GMDS: variants seen among roughly 807,000 people sequenced by gnomAD.
GMDS encodes the protein GDP-mannose 4,6 dehydratase.
A neutral mutation model predicts 49.9 loss-of-function variants in GMDS; 20 were observed. The ratio of observed to expected loss-of-function variants is 0.40; its 90% confidence interval spans 0.28 to 0.58. The LOEUF is 0.58. Ranked by LOEUF, GMDS falls within the 20% of genes least tolerant of loss-of-function variation. The probability of loss-of-function intolerance (pLI) is 0.42; values close to 1 mark genes in which losing one functional copy is unlikely to be tolerated. For synonymous variants in GMDS, 177 were observed against 178.6 expected, an observed-to-expected ratio of 0.99 and a Z score of 0.07; for missense variants, 362 against 481.4, an observed-to-expected ratio of 0.75 and a Z score of 2.32.
intron 4 of GMDS, among the ~76,000 whole-genome samples, chr6:2,092,569 G>C (rs990166904): frequency 6.6e-6 from 1 of 152,128 alleles, no homozygotes; most frequent in Non-Finnish European, 1.5e-5. Context: ...TAACAGATTT[G>C]TTTGGAAATG....
chr6:2,006,359 T>C (rs1297132793), intron 4 of GMDS, among the ~76,000 whole-genome samples: 4 of 151,926 alleles, frequency 2.6e-5, no homozygotes, highest in Non-Finnish European at 2.9e-5. Context: ...GCCTAGGATA[T>C]TGACGTTGCA....
intron 8 of GMDS, among the ~76,000 whole-genome samples, chr6:1,737,500 A>AACAC (rs139626089): frequency 8.4e-4 from 125 of 148,266 alleles, no homozygotes; most frequent in African/African-American, 2.9e-3. Flanking sequence ...CACACACACA[A>AACAC]ACACACACAC....
intron 7 of GMDS, among the ~76,000 whole-genome samples, chr6:1,868,121 G>A (rs866119888): frequency 4.3e-4 from 66 of 152,116 alleles, no homozygotes; most frequent in African/African-American, 1.4e-3. Context: ...TGAGTAGCTG[G>A]GACTACAGGC....
rs192978748 is a variant in GMDS at position 1,819,302 on chromosome 6, T to C, written c.772-76716A>G. 9.2e-5 allele frequency among the ~76,000 whole-genome samples: 14 copies of C among 152,328 alleles called. No individual in the cohort carries two copies. The East Asian group carries it at 2.1e-3, about 23-fold the overall frequency. ...AGTTAATGCAGGTAAGGCCCAAGTG[T>C]TATACCCTGCAATTACTAAGTGGTT... is the stretch of plus-strand genomic sequence containing the variant. On this transcript the variant is annotated intron_variant, in intron 7 of 10. Coordinates refer to ENST00000380815, the MANE Select transcript of GMDS (RefSeq NM_001500.4).
intron 4 of GMDS, among the ~76,000 whole-genome samples, chr6:2,100,723 C>G (rs528036481): frequency 6.6e-6 from 1 of 151,958 alleles, no homozygotes; most frequent in South Asian, 2.1e-4. Flanking sequence ...GTTAAAAAAA[C>G]TCAAACATGT....
chr6:1,652,433 ATTATATATATTTATATATTATT>A (rs1763694407), intron 9 of GMDS, among the ~76,000 whole-genome samples: 1 of 18,754 alleles, frequency 5.3e-5, no homozygotes, highest in Non-Finnish European at 9.9e-5. Context: ...TATATAATAT[ATTATATATATTTATATATTATT>A]TATATATAAT....
chr6:1,844,172 C>T (rs1757279287), intron 7 of GMDS, among the ~76,000 whole-genome samples: 1 of 152,138 alleles, frequency 6.6e-6, no homozygotes, highest in African/African-American at 2.4e-5. Flanking sequence ...CCCCAAAGTC[C>T]ACAATTGGTT....
chr6:2,107,974 G>A (rs1774334873), intron 4 of GMDS, among the ~76,000 whole-genome samples: 1 of 152,058 alleles, frequency 6.6e-6, no homozygotes, highest in Non-Finnish European at 1.5e-5. Flanking sequence ...ATGTTGCTCT[G>A]AGCACATCTA....
chr6:2,213,260 T>C (rs966516864), intron 1 of GMDS, among the ~76,000 whole-genome samples: 2 of 152,184 alleles, frequency 1.3e-5, no homozygotes, highest in Admixed American at 1.3e-4. Flanking sequence ...CCTTGATTTA[T>C]GGTAGTTGGT....
intron 9 of GMDS, among the ~76,000 whole-genome samples, chr6:1,676,086 T>C (rs1764613759): frequency 6.6e-6 from 1 of 152,156 alleles, no homozygotes; most frequent in Non-Finnish European, 1.5e-5. Context: ...CAGCAAAGTC[T>C]CAGGATACAA....
chr6:1,903,291 G>A (rs1245069797), intron 7 of GMDS, among the ~76,000 whole-genome samples: 1 of 152,158 alleles, frequency 6.6e-6, no homozygotes, highest in Non-Finnish European at 1.5e-5. Flanking sequence ...ACACTTTCTT[G>A]TTTCCTACTT....
At chr6:1,745,025 C>T (rs536704087) in intron 7 of GMDS, among the ~76,000 whole-genome samples, 1 of 152,172 alleles carries the variant, frequency 6.6e-6, no homozygotes, top group African/African-American at 2.4e-5. Context: ...TGGCTTTTGC[C>T]AAAATACCTT....
chr6:1,664,855 T>C (rs1764189924), intron 9 of GMDS, among the ~76,000 whole-genome samples: 1 of 152,202 alleles, frequency 6.6e-6, no homozygotes, highest in Admixed American at 6.5e-5. Context: ...TAGAAACATT[T>C]TGAAACTAAA....
chr6:1,905,637 G>GTCCCTGAGAAGGAGCGCCCAGGTGGCTGT (rs1760727159), intron 7 of GMDS, among the ~76,000 whole-genome samples: 1 of 137,592 alleles, frequency 7.3e-6, no homozygotes, highest in Non-Finnish European at 1.6e-5. Context: ...GCATCTGCAT[G>GTCCCTGAGAAGGAGCGCCCAGGTGGCTGT]TGGGGCCAGC....
chr6:1,953,341 A>ATG (rs1211254312), intron 6 of GMDS, among the ~76,000 whole-genome samples: 1 of 152,232 alleles, frequency 6.6e-6, no homozygotes, highest in Non-Finnish European at 1.5e-5. Context: ...GCTGAATATT[A>ATG]TGTGTGTTTC....
chr6:1,674,929 T>C (rs934376335), intron 9 of GMDS, among the ~76,000 whole-genome samples: 5 of 151,974 alleles, frequency 3.3e-5, no homozygotes, highest in Non-Finnish European at 4.4e-5. Context: ...TACATTGTTT[T>C]AAATTTCTTT....
chr6:1,913,153 G>A (rs1007309573), intron 7 of GMDS, among the ~76,000 whole-genome samples: 18 of 151,954 alleles, frequency 1.2e-4, no homozygotes, highest in African/African-American at 3.1e-4. Context: ...AGGCCGAGGC[G>A]GGCGGATCAC....
chr6:1,945,141 C>T (rs1230167971), intron 6 of GMDS, among the ~76,000 whole-genome samples: 2 of 151,888 alleles, frequency 1.3e-5, no homozygotes, highest in African/African-American at 2.4e-5. Context: ...TCTTAGTTGT[C>T]GACATACAAT....
At chr6:1,769,669 T>A (rs1440096671) in intron 7 of GMDS, among the ~76,000 whole-genome samples, 2 of 152,174 alleles carry the variant, frequency 1.3e-5, no homozygotes, top group African/African-American at 4.8e-5. Flanking sequence ...AATTTTGATA[T>A]CCTTTAGGTA....
Sources: gnomAD v4.1 joint callset for allele counts (sites outside exome capture counted in the v4.1 genomes callset) on GRCh38, gnomAD v4.1.1 for gene constraint, MANE v1.5 for transcripts, NCBI Gene and HGNC (gene_info 2026-07-23, HGNC 2026-07-21) for gene names.